Variants in HPN observed in about 807,000 individuals in gnomAD.
HPN encodes serine protease hepsin.
In HPN, 13 loss-of-function variants were observed where a neutral mutation model predicts 55.9. The ratio of observed to expected loss-of-function variants is 0.23; its 90% confidence interval spans 0.15 to 0.37. The LOEUF (loss-of-function observed/expected upper bound fraction) is 0.37. Among genes scored for constraint, HPN ranks in the 10% least tolerant of loss-of-function variants. The pLI, the probability that HPN is intolerant of heterozygous loss-of-function variation, is 1.00. For missense variants in HPN, 451 were observed against 575.8 expected, an observed-to-expected ratio of 0.78 and a Z score of 2.22; for synonymous variants, 225 against 240.3, an observed-to-expected ratio of 0.94 and a Z score of 0.59.
chr19:35,051,078 A>G (rs2064400872), intron 4 of HPN, among the ~76,000 whole-genome samples: 1 of 151,610 alleles, frequency 6.6e-6, no homozygotes, highest in Non-Finnish European at 1.5e-5. Flanking sequence ...CACCATGCCT[A>G]CACAAAATTA....
chr19:35,059,580 C>A, intron 4 of HPN, 93 bp from the exon 5 acceptor site: 1 of 1,492,612 alleles, frequency 6.7e-7, no homozygotes, highest in Non-Finnish European at 9.1e-7. Context: ...CACCACATGG[C>A]TGGAGCACAG....
Position 35,065,570 on chromosome 19 carries a change from A to C in HPN, c.939A>C (p.Arg313=). Residue 313 remains arginine, a synonymous_variant, in exon 11 of 13, where the codon CGA becomes CGC. Transcript: ENST00000672452. The stretch of plus-strand genomic sequence containing the variant: ...AGGCCGGGGTACTCCAGGAGGCTCG[A>C]GTCCCCATAATCAGCAATGATGTCT... ...GQQAGVLQEA[R]VPIISNDVCN... 1 of 1,614,118 alleles carries C rather than the reference A, an allele frequency of 6.2e-7. No individual in the cohort carries two copies. The highest frequency in any genetic ancestry group is 8.5e-7 in the Non-Finnish European group (1 of 1,180,030).
At chr19:35,041,951 C>A in intron 1 of HPN, 79 bp downstream of exon 1, 2 of 1,240,004 alleles carry the variant, frequency 1.6e-6, no homozygotes, top group Non-Finnish European at 2.1e-6. Flanking sequence ...AGCCTAATGC[C>A]CACCTCCTAA....
At chr19:35,040,903 G>A (rs2064286949), upstream of HPN, among the ~76,000 whole-genome samples, 1 of 152,198 alleles carries the variant, frequency 6.6e-6, no homozygotes, top group Non-Finnish European at 1.5e-5. Context: ...AGCGGGTGGG[G>A]CCGGTTGTGC....
rs568663404 is a variant in HPN, at chr19:35,045,152, A to G, written c.16+2630A>G. Reference sequence around the variant, plus strand: ...AGGACTGCAGGAGCCCTGACCTGGGACCTGGAAGAGGGTCTAGGGCTGGGG... The same window carrying G: ...AGGACTGCAGGAGCCCTGACCTGGGGCCTGGAAGAGGGTCTAGGGCTGGGG... On this transcript the variant is annotated intron_variant, in intron 2 of 12. Coordinates refer to ENST00000672452, the MANE Select transcript of HPN (RefSeq NM_001384133.1). Among the ~76,000 whole-genome samples the G allele has an allele frequency of 8.5e-5, 13 of 152,140 alleles. No individual in the cohort carries two copies. The South Asian group carries it at 2.7e-3, about 32-fold the overall frequency.
intron 2 of HPN, among the ~76,000 whole-genome samples, chr19:35,043,210 G>C (rs1381446256): frequency 5.9e-5 from 9 of 152,210 alleles, no homozygotes; most frequent in Non-Finnish European, 1.2e-4. Flanking sequence ...ATGGAGAGGG[G>C]AGAGACGGCA....
In HPN at chr19:35,053,795, C is replaced by T. The variant is rs551223629; in HGVS notation, c.160+4279C>T. On this transcript the variant is annotated intron_variant, in intron 4 of 12. Transcript: ENST00000672452. Reference sequence around the variant, plus strand: ...TAAAATAAGAATCCGCCCCCCTCCCCGCCCCAGTTGGTGTTTCAAACCCTG... The same window carrying T: ...TAAAATAAGAATCCGCCCCCCTCCCTGCCCCAGTTGGTGTTTCAAACCCTG... Among the ~76,000 whole-genome samples, 4 of 151,724 alleles carry T rather than the reference C, an allele frequency of 2.6e-5. No homozygotes were observed. The East Asian group carries it at 5.9e-4, about 22-fold the overall frequency.
chr19:35,062,933 C>T (rs372684359), intron 9 of HPN, among the ~76,000 whole-genome samples: 3 of 151,912 alleles, frequency 2.0e-5, no homozygotes, highest in African/African-American at 4.8e-5. Flanking sequence ...GTAGTAATAG[C>T]GAGTAGTATT....
intron 4 of HPN, among the ~76,000 whole-genome samples, chr19:35,058,613 A>G (rs1459265306): frequency 1.4e-5 from 2 of 147,188 alleles, no homozygotes; most frequent in African/African-American, 4.9e-5. Context: ...ATATATTAAT[A>G]TTATATTATA....
At chr19:35,045,221 AG>A (rs1234658629) in intron 2 of HPN, among the ~76,000 whole-genome samples, 1 of 152,090 alleles carries the variant, frequency 6.6e-6, no homozygotes, top group African/African-American at 2.4e-5. Flanking sequence ...AGACAGACTT[AG>A]GGGCAAGGAG....
chr19:35,056,769 T>G (rs1039372930), intron 4 of HPN, among the ~76,000 whole-genome samples: 1 of 152,240 alleles, frequency 6.6e-6, no homozygotes, highest in Non-Finnish European at 1.5e-5. Context: ...TCACTGGGCA[T>G]GGAGTATGTG....
chr19:35,063,677 TCTC>T (rs2151769057), intron 9 of HPN, among the ~76,000 whole-genome samples: 1 of 152,204 alleles, frequency 6.6e-6, no homozygotes, highest in East Asian at 1.9e-4. Context: ...GCCACACCCT[TCTC>T]CTTAGTGAAA....
At chr19:35,052,357 A>G (rs1439003089) in intron 4 of HPN, among the ~76,000 whole-genome samples, 1 of 152,010 alleles carries the variant, frequency 6.6e-6, no homozygotes, top group Admixed American at 6.6e-5. Context: ...GTGAAACCTC[A>G]TCTGTACTAA....
At position 35,049,481 on chromosome 19, in the gene HPN, T is replaced by C. The variant is rs749681666; in HGVS notation, c.125T>C (p.Val42Ala). ...ACCCCTCCCTTCTCTGCAGTGGCTG[T>C]TCTCCTCAGGAGTGACCAGGAGCCG... ...IGAASWAIVA[V>A]LLRSDQEPLY... The change falls in exon 4 of 13, where the codon GTT becomes GCT. Residue 42 changes from valine (V) to alanine (A), a missense_variant. By Grantham distance (64) the Val-to-Ala change is moderately conservative (BLOSUM62 0). Transcript: ENST00000672452. The C allele has an allele frequency of 1.2e-5, 19 of 1,609,522 alleles. No homozygotes were observed. Among genetic ancestry groups the C allele is most frequent in the Non-Finnish European group, 1.5e-5 (18 of 1,178,066 alleles).
upstream of HPN, among the ~76,000 whole-genome samples, chr19:35,041,477 T>C (rs1056775075): frequency 1.3e-5 from 2 of 151,924 alleles, no homozygotes; most frequent in Admixed American, 1.3e-4. Flanking sequence ...ACCCCCACCC[T>C]TCAGCCTGCA....
At chr19:35,053,786 C>T (rs1380192544) in intron 4 of HPN, among the ~76,000 whole-genome samples, 1 of 151,712 alleles carries the variant, frequency 6.6e-6, no homozygotes, top group Non-Finnish European at 1.5e-5. Flanking sequence ...AAGAATCCGC[C>T]CCCCTCCCCG....
chr19:35,048,673 C>T (rs995342912), intron 2 of HPN, among the ~76,000 whole-genome samples: 3 of 152,004 alleles, frequency 2.0e-5, no homozygotes, highest in African/African-American at 4.8e-5. Flanking sequence ...GAAGGAAGAT[C>T]GCTTCAGCCC....
At chr19:35,050,241 G>A (rs1355047307) in intron 4 of HPN, among the ~76,000 whole-genome samples, 1 of 152,158 alleles carries the variant, frequency 6.6e-6, no homozygotes, top group Non-Finnish European at 1.5e-5. Flanking sequence ...TCCTGCTTCA[G>A]CCTCCCAAGT....
rs908718412 is a variant in HPN, at chr19:35,042,502, G to C, written c.-5G>C. On this transcript the variant is annotated 5_prime_UTR_variant, in exon 2 of 13. Coordinates refer to ENST00000672452, the MANE Select transcript of HPN (RefSeq NM_001384133.1). ...GCCAGGGAATCATTAACAAGAGGCAGTGACATGGCGCAGAAGGAGGGTGAG... is the reference window on the plus strand; with the variant it reads ...GCCAGGGAATCATTAACAAGAGGCACTGACATGGCGCAGAAGGAGGGTGAG... 3 of 1,609,478 alleles carry C rather than the reference G, an allele frequency of 1.9e-6. No homozygotes were observed. Among genetic ancestry groups the C allele is most frequent in the African/African-American group, 2.7e-5 (2 of 74,908 alleles).
Sources: allele counts gnomAD v4.1 joint callset (sites outside exome capture counted in the v4.1 genomes callset), GRCh38; gene constraint gnomAD v4.1.1; transcripts MANE v1.5; gene names NCBI Gene and HGNC (gene_info 2026-07-23, HGNC 2026-07-21).